The following WDR70 variants were observed in gnomAD, a reference collection of about 807,000 sequenced individuals.
WDR70 encodes WD repeat domain 70.
WDR70 carries 53 observed loss-of-function variants against 88.6 expected under a neutral mutation model. The ratio of observed to expected loss-of-function variants is 0.60; its 90% CI spans 0.48 to 0.75. The LOEUF is 0.75. Ranked by LOEUF, WDR70 falls within the 30% of genes least tolerant of loss-of-function variation. The probability of loss-of-function intolerance (pLI) is 0.00; values close to 1 mark genes in which losing one functional copy is unlikely to be tolerated. For missense variants in WDR70, 610 were observed against 823.2 expected (o/e 0.74, Z 3.17); for synonymous variants, 280 against 270.0 (o/e 1.04, Z -0.36).
chr5:37,715,760 G>A (rs1747636149), intron 13 of WDR70, among the ~76,000 whole-genome samples: 1 of 152,166 alleles, frequency 6.6e-6, no homozygotes, highest in Non-Finnish European at 1.5e-5. Context: ...ATAGAAAACA[G>A]TTTTTCTTTC....
In WDR70 at chr5:37,415,698, C is replaced by T. The variant is rs1464150251; in HGVS notation, c.492+19128C>T. ...ACCTCCCTCCCGCCGGGCGGAGGGG[C>T]TCCTCACTTCTCAGACGGGGCGGCT... On this transcript the variant is annotated intron_variant, in intron 5 of 17. Coordinates refer to ENST00000265107, the MANE Select transcript of WDR70 (RefSeq NM_018034.4). 7.9e-5 allele frequency among the ~76,000 whole-genome samples: 12 copies of T among 151,322 alleles called. No individual in the cohort carries two copies. In the East Asian group the frequency reaches 2.4e-3, roughly 30 times the overall value.
chr5:37,702,648 G>A (rs897786933), intron 12 of WDR70, among the ~76,000 whole-genome samples: 1 of 152,090 alleles, frequency 6.6e-6, no homozygotes, highest in African/African-American at 2.4e-5. Context: ...CAATGTAGAA[G>A]TTAAAAAGCA....
chr5:37,428,035 A>G (rs978989861), intron 5 of WDR70, among the ~76,000 whole-genome samples: 1 of 150,178 alleles, frequency 6.7e-6, no homozygotes, highest in African/African-American at 2.4e-5. Context: ...TGCTGTCTGG[A>G]AACCACAGCA....
chr5:37,414,901 C>G (rs1749649170), intron 5 of WDR70, among the ~76,000 whole-genome samples: 1 of 146,926 alleles, frequency 6.8e-6, no homozygotes. Flanking sequence ...ACAAAGGTCT[C>G]TGGTTTTCCT....
At chr5:37,430,098 A>G (rs927165747) in intron 5 of WDR70, among the ~76,000 whole-genome samples, 9 of 152,102 alleles carry the variant, frequency 5.9e-5, no homozygotes, top group South Asian at 4.1e-4. Flanking sequence ...GTTTTTTGTT[A>G]TTATCTTAAA....
chr5:37,578,049 G>A (rs928486634), intron 9 of WDR70, among the ~76,000 whole-genome samples: 1 of 60,800 alleles, frequency 1.6e-5, no homozygotes, highest in Non-Finnish European at 3.2e-5. Context: ...AAGGCTTCAA[G>A]GAATAGATGG....
chr5:37,447,179 A>G (rs904565396), intron 7 of WDR70, among the ~76,000 whole-genome samples: 5 of 152,270 alleles, frequency 3.3e-5, no homozygotes, highest in Admixed American at 2.6e-4. Context: ...CAACAGACAC[A>G]TGAAAAAATG....
At chr5:37,483,767 C>CG (rs1240233558) in intron 8 of WDR70, among the ~76,000 whole-genome samples, 2 of 142,304 alleles carry the variant, frequency 1.4e-5, no homozygotes, top group African/African-American at 5.3e-5. Flanking sequence ...GCTGGCCGGG[C>CG]GGGGGCTGAC....
chr5:37,523,112 T>C (rs534690521), intron 9 of WDR70, among the ~76,000 whole-genome samples: 18 of 152,340 alleles, frequency 1.2e-4, no homozygotes, highest in African/African-American at 4.3e-4. Context: ...TGTCCCTGTC[T>C]GACAGCTTTG....
chr5:37,380,271 TA>T (rs1302990824), intron 2 of WDR70, among the ~76,000 whole-genome samples: 1 of 152,232 alleles, frequency 6.6e-6, no homozygotes, highest in Admixed American at 6.5e-5. Flanking sequence ...TGATAGTAAT[TA>T]AACAGTAGAC....
chr5:37,527,871 T>C (rs550885972), intron 9 of WDR70, among the ~76,000 whole-genome samples: 64 of 152,268 alleles, frequency 4.2e-4, no homozygotes, highest in African/African-American at 1.5e-3. Flanking sequence ...AACAGACACA[T>C]GAAGAAATGC....
chr5:37,385,944 T>C (rs28515785), intron 3 of WDR70, among the ~76,000 whole-genome samples: 2,014 of 151,674 alleles, frequency 0.013, 42 homozygotes, highest in African/African-American at 0.045. Context: ...GCTGGGACTA[T>C]AGGTACCGGA....
intron 9 of WDR70, among the ~76,000 whole-genome samples, chr5:37,591,433 CAT>C (rs1743529131): frequency 6.6e-6 from 1 of 152,044 alleles, no homozygotes. Context: ...TTTATACAAA[CAT>C]ATTTGATAAC....
chr5:37,698,802 T>G (rs1262689345), intron 11 of WDR70, among the ~76,000 whole-genome samples: 3 of 152,208 alleles, frequency 2.0e-5, no homozygotes, highest in African/African-American at 7.2e-5. Flanking sequence ...CTCATTCAGA[T>G]TCTCTTTAAG....
chr5:37,502,725 C>T (rs868617386), intron 8 of WDR70, among the ~76,000 whole-genome samples: 1 of 152,114 alleles, frequency 6.6e-6, no homozygotes, highest in Admixed American at 6.5e-5. Context: ...CCAGCATCTG[C>T]TTTTGGGGAG....
At chr5:37,584,389 A>C (rs554134629) in intron 9 of WDR70, among the ~76,000 whole-genome samples, 1 of 152,314 alleles carries the variant, frequency 6.6e-6, no homozygotes, top group African/African-American at 2.4e-5. Flanking sequence ...GAAAAGGTTC[A>C]TTTTTTTAGT....
At chr5:37,640,718 C>T (rs1745081220) in intron 10 of WDR70, among the ~76,000 whole-genome samples, 1 of 152,054 alleles carries the variant, frequency 6.6e-6, no homozygotes, top group Admixed American at 6.5e-5. Flanking sequence ...GAAAAATCAC[C>T]AGTCATTTAA....
chr5:37,408,786 A>T (rs1316015774), intron 5 of WDR70, among the ~76,000 whole-genome samples: 2 of 152,020 alleles, frequency 1.3e-5, no homozygotes, highest in East Asian at 3.8e-4. Context: ...ATTATATATA[A>T]TATATATAGC....
At chr5:37,485,030 T>A (rs904361112) in intron 8 of WDR70, among the ~76,000 whole-genome samples, 2 of 152,188 alleles carry the variant, frequency 1.3e-5, no homozygotes, top group East Asian at 1.9e-4. Context: ...GGAAAGGTTG[T>A]AGATATAGGG....
Sources: gnomAD v4.1 joint callset for allele counts (sites outside exome capture counted in the v4.1 genomes callset) on GRCh38, gnomAD v4.1.1 for gene constraint, MANE v1.5 for transcripts, NCBI Gene and HGNC (gene_info 2026-07-23, HGNC 2026-07-21) for gene names.